The following HDAC9 variants were observed in gnomAD, a reference collection of about 807,000 sequenced individuals.
The protein encoded by HDAC9 is MEF-2 interacting transcription repressor (MITR) protein.
A neutral mutation model predicts 139.4 loss-of-function variants in HDAC9; 41 were observed. The observed-to-expected ratio is 0.29, with a 90% CI of 0.23 to 0.38. HDAC9 has a LOEUF of 0.38. Ranked by LOEUF, HDAC9 falls within the 10% of genes least tolerant of loss-of-function variation. The pLI is 1.00. For missense variants in HDAC9, 1,147 were observed against 1,297.0 expected, an observed-to-expected ratio of 0.88 and a Z score of 1.78; for synonymous variants, 517 against 476.2, an observed-to-expected ratio of 1.09 and a Z score of -1.12.
At chr7:18,841,680 T>A (rs912475271) in intron 21 of HDAC9, among the ~76,000 whole-genome samples, 1 of 152,140 alleles carries the variant, frequency 6.6e-6, no homozygotes, top group Non-Finnish European at 1.5e-5. Context: ...AAAACAATCA[T>A]ATAGCGAAAA....
chr7:18,222,525 G>A (rs1792776018), intron 2 of HDAC9, among the ~76,000 whole-genome samples: 1 of 152,036 alleles, frequency 6.6e-6, no homozygotes, highest in Admixed American at 6.6e-5. Flanking sequence ...ATGTTTAAAA[G>A]TATTGAAACA....
chr7:18,813,523 C>T (rs1221829625), intron 17 of HDAC9, among the ~76,000 whole-genome samples: 1 of 152,066 alleles, frequency 6.6e-6, no homozygotes, highest in Non-Finnish European at 1.5e-5. Context: ...ACAACAGGGG[C>T]ACATTTATTT....
intron 1 of HDAC9, among the ~76,000 whole-genome samples, chr7:18,434,834 A>T (rs1043791401): frequency 6.6e-6 from 1 of 152,170 alleles, no homozygotes; most frequent in Non-Finnish European, 1.5e-5. Context: ...CAGTTTGGTG[A>T]TTACTCAAAT....
At chr7:18,510,450 G>A (rs538277963) in intron 2 of HDAC9, among the ~76,000 whole-genome samples, 6 of 151,930 alleles carry the variant, frequency 3.9e-5, no homozygotes, top group Middle Eastern at 3.4e-3. Flanking sequence ...ATAACACTTT[G>A]CATTTAATAC....
intron 1 of HDAC9, among the ~76,000 whole-genome samples, chr7:18,422,595 G>T (rs1324381961): frequency 1.3e-5 from 2 of 152,140 alleles, no homozygotes; most frequent in African/African-American, 2.4e-5. Context: ...CTTCAAAGGA[G>T]GGGGAAGCCA....
chr7:18,583,954 A>G (rs1484583473), intron 2 of HDAC9, among the ~76,000 whole-genome samples: 1 of 151,980 alleles, frequency 6.6e-6, no homozygotes, highest in Non-Finnish European at 1.5e-5. Flanking sequence ...AACCTTTTAC[A>G]CTGAACTACA....
At chr7:18,184,888 T>A (rs937459869) in intron 2 of HDAC9, among the ~76,000 whole-genome samples, 5 of 152,220 alleles carry the variant, frequency 3.3e-5, no homozygotes, top group African/African-American at 1.2e-4. Flanking sequence ...GATTTACACC[T>A]AATCTCTTAA....
intron 1 of HDAC9, among the ~76,000 whole-genome samples, chr7:18,474,475 A>G (rs1794961998): frequency 6.6e-6 from 1 of 152,238 alleles, no homozygotes; most frequent in Non-Finnish European, 1.5e-5. Flanking sequence ...CAGGGAAACA[A>G]AGCAATCAAA....
intron 2 of HDAC9, among the ~76,000 whole-genome samples, chr7:18,265,413 C>T (rs1795932661): frequency 6.6e-6 from 1 of 152,098 alleles, no homozygotes; most frequent in South Asian, 2.1e-4. Context: ...TTTAGAACGC[C>T]AGAGTACCCA....
At position 18,520,221 on chromosome 7, in the gene HDAC9, A is replaced by C. The variant is rs540599150; in HGVS notation, c.22+23897A>C. On this transcript the variant is annotated intron_variant, in intron 2 of 25. Transcript: ENST00000686413. ...ATCTGTGAGAAACTTCGTGATATACATCAAAATATTAAAGTAATCATGCTA... is the reference window on the plus strand; with the variant it reads ...ATCTGTGAGAAACTTCGTGATATACCTCAAAATATTAAAGTAATCATGCTA... Among the ~76,000 whole-genome samples the C allele has an allele frequency of 2.2e-4, 34 of 152,292 alleles. No homozygotes were observed. The South Asian group carries it at 6.2e-3, about 28-fold the overall frequency.
At chr7:18,600,457 A>G (rs933477062) in intron 6 of HDAC9, among the ~76,000 whole-genome samples, 6 of 152,198 alleles carry the variant, frequency 3.9e-5, no homozygotes, top group Admixed American at 1.3e-4. Context: ...GAAACTTTCA[A>G]TGAAAAGATA....
chr7:18,858,115 C>T (rs1182751156), intron 21 of HDAC9, among the ~76,000 whole-genome samples: 1 of 152,016 alleles, frequency 6.6e-6, no homozygotes, highest in Non-Finnish European at 1.5e-5. Context: ...TGTCGAAATA[C>T]CACCATAACA....
chr7:18,752,289 A>C (rs1446473244), intron 14 of HDAC9, among the ~76,000 whole-genome samples: 3 of 152,120 alleles, frequency 2.0e-5, no homozygotes, highest in Admixed American at 6.6e-5. Context: ...GGTCCTACCC[A>C]AAAGCCTACT....
At chr7:18,509,868 GTTATA>G (rs771111761) in intron 2 of HDAC9, among the ~76,000 whole-genome samples, 81 of 151,686 alleles carry the variant, frequency 5.3e-4, no homozygotes, top group Non-Finnish European at 9.9e-4. Flanking sequence ...CCCCCAATTA[GTTATA>G]TTATAAGCTC....
chr7:18,170,282 C>T (rs895970676), intron 2 of HDAC9, among the ~76,000 whole-genome samples: 1 of 152,112 alleles, frequency 6.6e-6, no homozygotes, highest in Non-Finnish European at 1.5e-5. Flanking sequence ...CTGTTCATAT[C>T]CTTTGCACAC....
At chr7:18,282,492 A>T (rs977601153) in intron 2 of HDAC9, among the ~76,000 whole-genome samples, 1 of 152,166 alleles carries the variant, frequency 6.6e-6, no homozygotes, top group Non-Finnish European at 1.5e-5. Flanking sequence ...TGTGATTATT[A>T]TTCTTAAACA....
intron 6 of HDAC9, among the ~76,000 whole-genome samples, chr7:18,600,828 G>A (rs1277874531): frequency 1.3e-5 from 2 of 151,974 alleles, no homozygotes; most frequent in African/African-American, 2.4e-5. Flanking sequence ...ATTTTGTTTT[G>A]TTTTGTTTTG....
At chr7:18,910,086 C>G (rs1802613447) in intron 22 of HDAC9, among the ~76,000 whole-genome samples, 1 of 151,830 alleles carries the variant, frequency 6.6e-6, no homozygotes, top group Non-Finnish European at 1.5e-5. Context: ...TGGGATCAAT[C>G]TCTCTCTTTA....
At position 18,712,802 on chromosome 7, in the gene HDAC9, G is replaced by A. The variant is rs145922267; in HGVS notation, c.1732-14778G>A. 3.6e-3 allele frequency among the ~76,000 whole-genome samples: 547 copies of A among 152,278 alleles called. 3 individuals are homozygous for A. The highest frequency in any genetic ancestry group is 0.012 in the African/African-American group (514 of 41,550). Reference sequence around the variant, plus strand: ...GATACTTTACAAATTATAATAGCATGTGCATAAATGTGCATAATAATATTA... The same window carrying A: ...GATACTTTACAAATTATAATAGCATATGCATAAATGTGCATAATAATATTA... On this transcript the variant is annotated intron_variant, in intron 12 of 25. Transcript: ENST00000686413.
Sources: gnomAD v4.1 joint callset for allele counts (sites outside exome capture counted in the v4.1 genomes callset) on GRCh38, gnomAD v4.1.1 for gene constraint, MANE v1.5 for transcripts, NCBI Gene and HGNC (gene_info 2026-07-23, HGNC 2026-07-21) for gene names.